Variants in IQSEC2 observed in about 807,000 individuals in gnomAD.
The protein encoded by IQSEC2 is IQ motif and Sec7 domain ArfGEF 2.
In IQSEC2, 6 loss-of-function variants were observed where a neutral mutation model predicts 74.6. The ratio of observed to expected loss-of-function variants is 0.08; its 90% CI spans 0.04 to 0.16. The LOEUF (loss-of-function observed/expected upper bound fraction) is 0.16, where lower values mean the gene tolerates loss of function less well. IQSEC2 is among the 10% of genes least tolerant of loss of function. The pLI is 1.00. For missense variants in IQSEC2, 734 were observed against 1,306.2 expected, an observed-to-expected ratio of 0.56 and a Z score of 6.75; for synonymous variants, 494 against 544.5, an observed-to-expected ratio of 0.91 and a Z score of 1.29.
chrX:53,320,890 G>C lies in IQSEC2; in HGVS notation c.234C>G (p.Gly78=), dbSNP rs943476072. The C allele has an allele frequency of 4.4e-5, 51 of 1,162,656 alleles. No homozygotes were observed. The highest frequency in any genetic ancestry group is 5.9e-5 in the Non-Finnish European group (51 of 871,695). Reference sequence around the variant, plus strand: ...TCTCGCGGCCCGGGCTATCCCGCGCGCCGTGGGGGTCCCGGTGCAGCTCCC... The same window carrying C: ...TCTCGCGGCCCGGGCTATCCCGCGCCCCGTGGGGGTCCCGGTGCAGCTCCC... ...HRGELHRDPH[G]ARDSPGRESQ... The change falls in exon 1 of 15, where the codon GGC becomes GGG. Residue 78 remains glycine (G), a synonymous_variant. Transcript: ENST00000642864.
Position 53,248,718 on chromosome X carries a change from C to T in IQSEC2, c.2459+3G>A, listed in dbSNP as rs1204856744. The T allele has an allele frequency of 2.6e-5, 31 of 1,209,437 alleles. No individual in the cohort carries two copies. The highest frequency in any genetic ancestry group is 3.5e-5 in the Non-Finnish European group (31 of 894,807). ...CCAGCCTGCCCCATCCTGGGGTCCT[C>T]ACTCCAACACGTCTCTGTTGAACTG... On this transcript the variant is annotated splice_donor_region_variant and intron_variant, in intron 6 of 14. Coordinates refer to ENST00000642864, the MANE Select transcript of IQSEC2 (RefSeq NM_001111125.3).
chrX:53,251,344 G>A (rs1365814657), intron 4 of IQSEC2, among the ~76,000 whole-genome samples, 170 bp from the exon 5 acceptor site: 3 of 110,620 alleles, frequency 2.7e-5, no homozygotes, highest in Non-Finnish European at 5.7e-5. Context: ...CAGGCTCTCT[G>A]TGGTCTGTAA....
intron 1 of IQSEC2, among the ~76,000 whole-genome samples, chrX:53,311,809 G>C (rs782721450): frequency 1.3e-4 from 14 of 111,872 alleles, no homozygotes; most frequent in Non-Finnish European, 2.1e-4. Flanking sequence ...CCAGCTACTC[G>C]GGAGGCTGAG....
intron 2 of IQSEC2, chrX:53,279,288 TA>T: frequency 6.8e-6 from 2 of 296,275 alleles, no homozygotes; most frequent in South Asian, 3.3e-4. Context: ...ATTCATCCTT[TA>T]AAAAAGCTGG....
intron 1 of IQSEC2, among the ~76,000 whole-genome samples, chrX:53,305,886 C>T (rs782686867): frequency 1.1e-3 from 117 of 111,197 alleles, no homozygotes; most frequent in Non-Finnish European, 1.3e-3. Flanking sequence ...ACTCAAGGAG[C>T]GCTTCTAGAA....
chrX:53,317,994 C>T (rs910963846), intron 1 of IQSEC2, among the ~76,000 whole-genome samples: 16 of 112,001 alleles, frequency 1.4e-4, no homozygotes, highest in African/African-American at 5.2e-4. Flanking sequence ...AGACCTAAGG[C>T]TCTCCTGGCC....
chrX:53,269,583 A>G (rs920834016), intron 2 of IQSEC2, among the ~76,000 whole-genome samples: 2 of 108,478 alleles, frequency 1.8e-5, no homozygotes, highest in African/African-American at 6.8e-5. Context: ...ATCTGCCCCC[A>G]CATCCCCCTC....
At position 53,291,747 on chromosome X, in the gene IQSEC2, A is replaced by G. The variant is rs2075102618; in HGVS notation, c.737+148T>C. On this transcript the variant is annotated intron_variant, in intron 2 of 14. Coordinates refer to ENST00000642864, the MANE Select transcript of IQSEC2 (RefSeq NM_001111125.3). ...CATCCCCCAACTGCCCTCTCACCCC[A>G]CTCCATAGCCACCCCTAATACCAAC... The G allele has an allele frequency of 6.1e-5, 27 of 442,761 alleles. No individual in the cohort carries two copies. The East Asian group carries it at 1.1e-3, about 18-fold the overall frequency. The allele number at this position is 442,761 out of a possible 1,213,427, so 36.5% of individuals were successfully genotyped here.
At chrX:53,238,073 A>G in intron 12 of IQSEC2, 72 bp downstream of exon 12, 2 of 1,080,004 alleles carry the variant, frequency 1.9e-6, no homozygotes, top group Non-Finnish European at 2.5e-6. Context: ...AGATTCTCTG[A>G]GGATAGGATT....
chrX:53,263,145 C>A (rs1317435560), intron 2 of IQSEC2, among the ~76,000 whole-genome samples: 1 of 112,026 alleles, frequency 8.9e-6, no homozygotes, highest in Non-Finnish European at 1.9e-5. Context: ...CACAAAGGAT[C>A]GCATGCTGGG....
At chrX:53,275,981 G>C (rs1371656335) in intron 2 of IQSEC2, among the ~76,000 whole-genome samples, 1 of 110,277 alleles carries the variant, frequency 9.1e-6, no homozygotes, top group African/African-American at 3.3e-5. Flanking sequence ...GATTACAGGC[G>C]TGAGCCACCA....
Position 53,254,778 on chromosome X carries a change from G to T in IQSEC2, c.1153C>A (p.Leu385Ile). ...SESRMSRRIILSNMRMQFSFE... is the reference protein window; with the variant it reads ...SESRMSRRIIISNMRMQFSFE... ...GAGAACTGCATCCGCATGTTGGAAA[G>T]GATGATGCGGCGGGACATGCGGCTC... is the stretch of plus-strand genomic sequence containing the variant. The change falls in exon 4 of 15, where the codon CTT (leucine) becomes ATT (isoleucine). Residue 385 changes from leucine (L) to isoleucine (I), a missense_variant. Transcript: ENST00000642864. 8.3e-7 allele frequency: 1 copy of T among 1,204,977 alleles called. No homozygotes were observed. Among genetic ancestry groups the T allele is most frequent in the Non-Finnish European group, 1.1e-6 (1 of 891,778 alleles).
chrX:53,274,090 A>G (rs2074784484), intron 2 of IQSEC2, among the ~76,000 whole-genome samples: 1 of 112,622 alleles, frequency 8.9e-6, no homozygotes, highest in African/African-American at 3.2e-5. Context: ...TGAGAAGCAT[A>G]TATCATGCAC....
At chrX:53,264,450 C>T (rs184773052) in intron 2 of IQSEC2, among the ~76,000 whole-genome samples, 163 of 103,033 alleles carry the variant, frequency 1.6e-3, no homozygotes, top group Non-Finnish European at 2.8e-3. Flanking sequence ...GTTGAACCCC[C>T]GTCCCCACCC....
chrX:53,288,216 T>G (rs1197313284), intron 2 of IQSEC2, among the ~76,000 whole-genome samples: 1 of 111,207 alleles, frequency 9.0e-6, no homozygotes, highest in Non-Finnish European at 1.9e-5. Context: ...GTCTTGGCCA[T>G]CCCAGATTGC....
In IQSEC2 at chrX:53,243,711, A is replaced by T. The variant is rs782306348; in HGVS notation, c.2750-240T>A. On this transcript the variant is annotated intron_variant, in intron 8 of 14. Transcript: ENST00000642864. Reference sequence around the variant, plus strand: ...ACAACTCAGAATACACTGTAATTAAAACAATCAGATACTATTGTTTGCCTT... The same window carrying T: ...ACAACTCAGAATACACTGTAATTAATACAATCAGATACTATTGTTTGCCTT... Among the ~76,000 whole-genome samples, 13 of 112,241 alleles carry T rather than the reference A, an allele frequency of 1.2e-4. No homozygotes were observed. In the South Asian group the frequency reaches 4.8e-3, roughly 42 times the overall value.
intron 2 of IQSEC2, among the ~76,000 whole-genome samples, chrX:53,289,356 G>T (rs2075070084): frequency 9.0e-6 from 1 of 110,925 alleles, no homozygotes; most frequent in Non-Finnish European, 1.9e-5. Context: ...CCCCACTGAT[G>T]ACAGAAGGTC....
At chrX:53,227,032 G>A (rs2074043761), downstream of IQSEC2, 1 of 110,366 alleles carries the variant, frequency 9.1e-6, no homozygotes, top group Non-Finnish European at 1.9e-5. Flanking sequence ...ATATTACCTT[G>A]AATGTTCAAG....
At chrX:53,270,106 T>A (rs1556868399) in intron 2 of IQSEC2, among the ~76,000 whole-genome samples, 1 of 110,921 alleles carries the variant, frequency 9.0e-6, no homozygotes, top group Non-Finnish European at 1.9e-5. Flanking sequence ...TCTACCAGGA[T>A]GGCCCTTTGG....
Sources: allele counts gnomAD v4.1 joint callset (sites outside exome capture counted in the v4.1 genomes callset), GRCh38; gene constraint gnomAD v4.1.1; transcripts MANE v1.5; gene names NCBI Gene and HGNC (gene_info 2026-07-23, HGNC 2026-07-21).